SCN1A: variants seen among roughly 807,000 people sequenced by gnomAD.
SCN1A encodes sodium channel protein type 1 subunit alpha.
In SCN1A, 13 loss-of-function variants were observed where a neutral mutation model predicts 193.7. That is an observed-to-expected ratio of 0.07 (90% confidence interval 0.04 to 0.11). The LOEUF (loss-of-function observed/expected upper bound fraction) is 0.11, where lower values mean the gene tolerates loss of function less well. SCN1A is among the 10% of genes least tolerant of loss of function. SCN1A has a pLI of 1.00. For missense variants in SCN1A, 1,432 were observed against 2,451.1 expected, an observed-to-expected ratio of 0.58 and a Z score of 8.78; for synonymous variants, 781 against 843.6, an observed-to-expected ratio of 0.93 and a Z score of 1.29.
rs745378416 is a variant in SCN1A, at chr2:166,038,036, C to T, written c.2686G>A (p.Val896Ile). Residue 896 changes from valine to isoleucine, a missense_variant, in exon 18 of 29, where the codon GTC (valine) becomes ATC (isoleucine). Around this residue, in one of 18 missense-constraint regions of SCN1A, gnomAD observed 93 missense variants for 260.4 expected, o/e 0.36. Transcript: ENST00000674923. ...AAAATGAAGACGATGATGGCCAAGA[C>T]GAGGGTTAAATTTCCCAGAGCCCCC... is the stretch of plus-strand genomic sequence containing the variant. ...SVGALGNLTL[V>I]LAIIVFIFAV... 2 of 1,614,042 alleles carry T rather than the reference C, an allele frequency of 1.2e-6. No individual in the cohort carries two copies. Among genetic ancestry groups the T allele is most frequent in the African/African-American group, 2.7e-5 (2 of 74,896 alleles).
rs1697414807 is a variant in SCN1A at position 166,043,670 on chromosome 2, T to C, written c.2042A>G (p.Asn681Ser). The change falls in exon 14 of 29, where the codon AAT becomes AGT. Residue 681 changes from asparagine (N) to serine (S), a missense_variant and splice_region_variant. Asn to Ser is a conservative substitution (Grantham distance 46, BLOSUM62 1). Around this residue, in one of 18 missense-constraint regions of SCN1A, gnomAD observed 316 missense variants for 362.1 expected, o/e 0.87. Coordinates refer to ENST00000674923, the MANE Select transcript of SCN1A (RefSeq NM_001165963.4). Reference sequence around the variant, plus strand: ...CTGAACTATTTAAAACTTCCTTACATTGTCATCAGTAGCTGGCTTATCTAT... The same window carrying C: ...CTGAACTATTTAAAACTTCCTTACACTGTCATCAGTAGCTGGCTTATCTAT... ...VIIDKPATDD[N>S]GTTTETEMRK... 6.2e-7 allele frequency: 1 copy of C among 1,613,660 alleles called. No homozygotes were observed. Among genetic ancestry groups the C allele is most frequent in the Non-Finnish European group, 8.5e-7 (1 of 1,179,720 alleles).
At position 165,994,419 on chromosome 2, in the gene SCN1A, G is replaced by A. The variant is rs747649993; in HGVS notation, c.4582-3C>T. ...AAGACCATTCCTTGAAATTTGTTCT[G>A]TAGAGAAATAGAAATGCTTTTAACA... is the stretch of plus-strand genomic sequence containing the variant. On this transcript the variant is annotated splice_region_variant and splice_polypyrimidine_tract_variant and intron_variant, in intron 27 of 28. Transcript: ENST00000674923. 3.7e-6 allele frequency: 6 copies of A among 1,612,260 alleles called. No individual in the cohort carries two copies. The highest frequency in any genetic ancestry group is 8.5e-7 in the Non-Finnish European group (1 of 1,178,972).
intron 19 of SCN1A, among the ~76,000 whole-genome samples, chr2:166,025,435 A>C (rs894436164): frequency 1.3e-5 from 2 of 152,160 alleles, no homozygotes; most frequent in African/African-American, 4.8e-5. Context: ...CAGGCAGAGC[A>C]TATCTTTTCA....
chr2:166,089,978 A>G (rs1036937652), intron 2 of SCN1A, among the ~76,000 whole-genome samples: 1 of 145,134 alleles, frequency 6.9e-6, no homozygotes, highest in Admixed American at 6.9e-5. Flanking sequence ...TTAACTCCGT[A>G]GGTCCTATAC....
intron 2 of SCN1A, among the ~76,000 whole-genome samples, chr2:166,113,660 G>A (rs1184346751): frequency 2.0e-5 from 3 of 152,122 alleles, no homozygotes; most frequent in African/African-American, 4.8e-5. Flanking sequence ...ATACACCAAG[G>A]TTATTGCTAG....
intron 1 of SCN1A, among the ~76,000 whole-genome samples, chr2:166,141,115 C>T (rs1010698858): frequency 1.3e-5 from 2 of 152,090 alleles, no homozygotes; most frequent in Non-Finnish European, 2.9e-5. Context: ...CTGCCCTGCT[C>T]ACCACTCCCC....
At chr2:166,096,207 G>A (rs889434819) in intron 2 of SCN1A, among the ~76,000 whole-genome samples, 2 of 152,188 alleles carry the variant, frequency 1.3e-5, no homozygotes, top group African/African-American at 4.8e-5. Flanking sequence ...AACTGACACT[G>A]AAAGTTCAAT....
At chr2:166,029,363 G>T (rs1392987946) in intron 19 of SCN1A, among the ~76,000 whole-genome samples, 1 of 152,054 alleles carries the variant, frequency 6.6e-6, no homozygotes, top group African/African-American at 2.4e-5. Context: ...TCTGACACTG[G>T]GTAAAGGCCT....
intron 9 of SCN1A, among the ~76,000 whole-genome samples, chr2:166,050,065 A>T (rs1698351876): frequency 6.6e-6 from 1 of 151,980 alleles, no homozygotes; most frequent in African/African-American, 2.4e-5. Flanking sequence ...TAATATTCTG[A>T]CTTCCTTGAA....
At chr2:166,038,595 C>T (rs554945008) in intron 17 of SCN1A, among the ~76,000 whole-genome samples, 1 of 152,232 alleles carries the variant, frequency 6.6e-6, no homozygotes, top group African/African-American at 2.4e-5. Flanking sequence ...GCCTCAGTCT[C>T]CCAAAGTGCT....
intron 2 of SCN1A, among the ~76,000 whole-genome samples, chr2:166,115,215 T>C (rs544357): frequency 0.93 from 141,885 of 152,074 alleles, 66,458 homozygotes; most frequent in East Asian, 0.98. Flanking sequence ...AAAAATTAGC[T>C]GGGCATGGTG....
At chr2:166,146,182 T>G (rs1692314150) in intron 1 of SCN1A, among the ~76,000 whole-genome samples, 1 of 152,140 alleles carries the variant, frequency 6.6e-6, no homozygotes, top group African/African-American at 2.4e-5. Flanking sequence ...CCTGATAAGT[T>G]GCAGAAGGTT....
At chr2:166,083,957 G>A (rs1320173121) in intron 2 of SCN1A, among the ~76,000 whole-genome samples, 3 of 152,144 alleles carry the variant, frequency 2.0e-5, no homozygotes, top group Non-Finnish European at 4.4e-5. Context: ...TGTAGAGAGT[G>A]AAGTCTAATC....
intron 20 of SCN1A, among the ~76,000 whole-genome samples, chr2:166,014,592 CAA>C (rs3032611): frequency 0.18 from 9,995 of 56,440 alleles, 836 homozygotes; most frequent in African/African-American, 0.3. Context: ...ATCTGGTTTT[CAA>C]AAAAAAAAAA....
intron 2 of SCN1A, among the ~76,000 whole-genome samples, chr2:166,102,655 A>C (rs914036857): frequency 4.6e-5 from 7 of 152,132 alleles, no homozygotes; most frequent in African/African-American, 1.4e-4. Flanking sequence ...CTCAGAATAA[A>C]TGAAAACAGA....
At chr2:166,063,493 A>G (rs1378105997) in intron 4 of SCN1A, among the ~76,000 whole-genome samples, 1 of 152,116 alleles carries the variant, frequency 6.6e-6, no homozygotes, top group Admixed American at 6.6e-5. Context: ...GTTTAGTACA[A>G]TATTTGCAAT....
chr2:165,995,566 A>C (rs1187749567), intron 27 of SCN1A, among the ~76,000 whole-genome samples: 1 of 151,804 alleles, frequency 6.6e-6, no homozygotes, highest in Admixed American at 6.6e-5. Context: ...ATCTCTAGTG[A>C]AAAATAAAAT....
chr2:166,095,438 T>G (rs911944823), intron 2 of SCN1A, among the ~76,000 whole-genome samples: 1 of 152,204 alleles, frequency 6.6e-6, no homozygotes, highest in Non-Finnish European at 1.5e-5. Flanking sequence ...ATAATACCTT[T>G]ATTTAGCCTT....
At chr2:166,015,559 C>A in intron 20 of SCN1A, 48 bp downstream of exon 20, 1 of 1,609,208 alleles carries the variant, frequency 6.2e-7, no homozygotes, top group Non-Finnish European at 8.5e-7. Context: ...AACAGCTAAA[C>A]AAGCTGCACT....
Sources: allele counts gnomAD v4.1 joint callset (sites outside exome capture counted in the v4.1 genomes callset), GRCh38; gene constraint gnomAD v4.1.1; regional missense constraint gnomAD v4.1.1; transcripts MANE v1.5; gene names NCBI Gene and HGNC (gene_info 2026-07-23, HGNC 2026-07-21).